The following DLGAP4 variants were observed in gnomAD, a reference collection of about 807,000 sequenced individuals.
The protein encoded by DLGAP4 is DLG associated protein 4.
DLGAP4 carries 18 observed loss-of-function variants against 86.9 expected under a neutral mutation model. The ratio of observed to expected loss-of-function variants is 0.21; its 90% confidence interval spans 0.14 to 0.31. DLGAP4 has a LOEUF of 0.31. Ranked by LOEUF, DLGAP4 falls within the 10% of genes least tolerant of loss-of-function variation. The probability of loss-of-function intolerance (pLI) is 1.00; values close to 1 mark genes in which losing one functional copy is unlikely to be tolerated. For synonymous variants in DLGAP4, 548 were observed against 574.3 expected (o/e 0.95, Z 0.65); for missense variants, 1,085 against 1,362.6 (o/e 0.80, Z 3.21).
intron 10 of DLGAP4, among the ~76,000 whole-genome samples, chr20:36,522,699 G>A (rs371447521): frequency 6.6e-6 from 1 of 152,036 alleles, no homozygotes; most frequent in Non-Finnish European, 1.5e-5. Flanking sequence ...TGTATTTTTA[G>A]TAGAGACAGG....
intron 7 of DLGAP4, among the ~76,000 whole-genome samples, chr20:36,466,026 C>A: frequency 6.6e-6 from 1 of 151,988 alleles, no homozygotes; most frequent in South Asian, 2.1e-4. Flanking sequence ...CCTTTCTGTG[C>A]CTCAGTTTTC....
intron 1 of DLGAP4, among the ~76,000 whole-genome samples, chr20:36,339,506 G>A (rs2065355792): frequency 6.6e-6 from 1 of 152,196 alleles, no homozygotes; most frequent in Admixed American, 6.5e-5. Context: ...TCCCACCTCA[G>A]CCTCCTGAGT....
chr20:36,453,432 T>C (rs535158080), intron 7 of DLGAP4, among the ~76,000 whole-genome samples: 10 of 152,250 alleles, frequency 6.6e-5, no homozygotes, highest in Non-Finnish European at 1.3e-4. Flanking sequence ...GGAGGATCAC[T>C]TGAGCCCAGG....
chr20:36,476,756 G>A (rs1371731752), intron 7 of DLGAP4, among the ~76,000 whole-genome samples: 2 of 126,490 alleles, frequency 1.6e-5, no homozygotes, highest in Admixed American at 2.0e-4. Flanking sequence ...TGCCCAGGCT[G>A]GAGTGCAATG....
chr20:36,439,621 T>C (rs770515218), intron 4 of DLGAP4, 133 bp from the exon 5 acceptor site: 62 of 712,542 alleles, frequency 8.7e-5, no homozygotes, highest in Non-Finnish European at 1.4e-4. Context: ...AAATACAAGC[T>C]GGTGCTGCCA....
At chr20:36,327,856 G>A (rs1398859962) in intron 1 of DLGAP4, among the ~76,000 whole-genome samples, 1 of 147,790 alleles carries the variant, frequency 6.8e-6, no homozygotes, top group Non-Finnish European at 1.5e-5. Context: ...CTCCCAAAGT[G>A]CTGGGATTAC....
At chr20:36,392,475 GA>G (rs1413644580) in intron 2 of DLGAP4, among the ~76,000 whole-genome samples, 1 of 150,606 alleles carries the variant, frequency 6.6e-6, no homozygotes, top group Admixed American at 6.6e-5. Flanking sequence ...AGATTCAAGC[GA>G]TTCTCCTGCC....
chr20:36,437,849 T>A (rs2092023011), intron 4 of DLGAP4, among the ~76,000 whole-genome samples: 1 of 152,138 alleles, frequency 6.6e-6, no homozygotes, highest in Non-Finnish European at 1.5e-5. Context: ...CAGGTTGGAA[T>A]TAAGGACACC....
chr20:36,380,941 T>A (rs1437915275), intron 2 of DLGAP4, among the ~76,000 whole-genome samples: 2 of 152,218 alleles, frequency 1.3e-5, no homozygotes, highest in African/African-American at 4.8e-5. Flanking sequence ...TTTGGACACA[T>A]GGACACCCTA....
At chr20:36,405,020 C>T (rs1472475791) in intron 2 of DLGAP4, among the ~76,000 whole-genome samples, 1 of 152,118 alleles carries the variant, frequency 6.6e-6, no homozygotes, top group East Asian at 1.9e-4. Context: ...AGGAGAAGGC[C>T]AATCAAGGCA....
chr20:36,309,786 C>T (rs932214209), intron 1 of DLGAP4, among the ~76,000 whole-genome samples: 4 of 152,200 alleles, frequency 2.6e-5, no homozygotes, highest in East Asian at 1.9e-4. Context: ...GTCCTCTGTC[C>T]GTTCTTTGGG....
intron 1 of DLGAP4, among the ~76,000 whole-genome samples, chr20:36,319,123 CAG>C (rs1179558425): frequency 6.8e-6 from 1 of 147,476 alleles, no homozygotes; most frequent in Non-Finnish European, 1.5e-5. Context: ...AGCCTGGCAA[CAG>C]AGCGAGACTC....
chr20:36,354,207 G>A (rs116224683), intron 1 of DLGAP4, among the ~76,000 whole-genome samples: 2,335 of 152,172 alleles, frequency 0.015, 55 homozygotes, highest in African/African-American at 0.053. Flanking sequence ...CTTTCCCTGG[G>A]GTTCTCCTGG....
intron 2 of DLGAP4, among the ~76,000 whole-genome samples, chr20:36,384,120 T>C (rs987678649): frequency 6.6e-6 from 1 of 152,164 alleles, no homozygotes; most frequent in Non-Finnish European, 1.5e-5. Context: ...GAAGGGGATT[T>C]TGACACTTTG....
At chr20:36,309,672 AT>A (rs2065035802) in intron 1 of DLGAP4, among the ~76,000 whole-genome samples, 1 of 152,156 alleles carries the variant, frequency 6.6e-6, no homozygotes, top group Non-Finnish European at 1.5e-5. Context: ...CTGGCCAGGC[AT>A]TTCCCCCTGT....
intron 1 of DLGAP4, among the ~76,000 whole-genome samples, chr20:36,330,558 ATTT>A (rs113329878): frequency 1.1e-4 from 15 of 130,982 alleles, no homozygotes; most frequent in Admixed American, 1.5e-4. Context: ...GACTTTTGGG[ATTT>A]TTTTTTTTTT....
intron 7 of DLGAP4, among the ~76,000 whole-genome samples, chr20:36,483,258 G>A (rs1174172155): frequency 2.6e-5 from 4 of 152,196 alleles, no homozygotes; most frequent in African/African-American, 9.7e-5. Context: ...AGTAGAAATG[G>A]TTTTTCAGAA....
In DLGAP4 at chr20:36,500,013, G is replaced by A. The variant is rs573468846; in HGVS notation, c.2100-186G>A. On this transcript the variant is annotated intron_variant, in intron 9 of 12. Coordinates refer to ENST00000339266, the MANE Select transcript of DLGAP4 (RefSeq NM_001365621.2). The surrounding 1 kb of genome is among the most constrained non-coding windows in gnomAD (Gnocchi z 4.6). Reference sequence around the variant, plus strand: ...TGTGTGTGTGCGTGTGGGCTTGGGCGGGATGGGGCAAGGGCTGAGCCAAGA... The same window carrying A: ...TGTGTGTGTGCGTGTGGGCTTGGGCAGGATGGGGCAAGGGCTGAGCCAAGA... Among the ~76,000 whole-genome samples the A allele has an allele frequency of 2.0e-5, 3 of 152,310 alleles. No individual in the cohort carries two copies. In the South Asian group the frequency reaches 6.2e-4, roughly 32 times the overall value.
intron 2 of DLGAP4, among the ~76,000 whole-genome samples, chr20:36,368,737 A>C (rs1486946231): frequency 1.3e-5 from 2 of 152,236 alleles, no homozygotes; most frequent in African/African-American, 4.8e-5. Context: ...CCAGGGACTA[A>C]ATGTGTAATG....
Sources: gnomAD v4.1 joint callset for allele counts (sites outside exome capture counted in the v4.1 genomes callset) on GRCh38, gnomAD v4.1.1 for gene constraint, Gnocchi (gnomAD v3.1) non-coding constraint, MANE v1.5 for transcripts, NCBI Gene and HGNC (gene_info 2026-07-23, HGNC 2026-07-21) for gene names.